Variants in CEMIP observed in about 807,000 individuals in gnomAD.
CEMIP encodes the protein cell migration-inducing and hyaluronan-binding protein.
Under a neutral mutation model 156.9 loss-of-function variants are expected in CEMIP, and 105 were observed. The ratio of observed to expected loss-of-function variants is 0.67; its 90% CI spans 0.57 to 0.79. The LOEUF is 0.79. Ranked by LOEUF, CEMIP falls within the 30% of genes least tolerant of loss-of-function variation. The pLI is 0.00. For missense variants in CEMIP, 1,457 were observed against 1,769.4 expected (o/e 0.82, Z 3.17); for synonymous variants, 676 against 668.4 (o/e 1.01, Z -0.17).
rs1901758769 is a variant in CEMIP at position 80,950,209 on chromosome 15, GC to G, written c.*1288del. On this transcript the variant is annotated 3_prime_UTR_variant, in exon 30 of 30. Coordinates refer to ENST00000394685, the MANE Select transcript of CEMIP (RefSeq NM_001293298.2). ...GAGCTGGAAATATAGAAAATATCTA[GC>G]CCAAAGCCTTCATTTTAACAGATGG... The G allele has an allele frequency of 6.6e-6, 1 of 152,302 alleles. No homozygotes were observed. Among genetic ancestry groups the G allele is most frequent in the Non-Finnish European group, 1.5e-5 (1 of 68,140 alleles). 9.4% of individuals were successfully genotyped at this position (152,302 alleles called of 1,614,324 possible). A position where few individuals can be genotyped will look rare whatever the true frequency, so the allele number is the denominator to read the frequency against.
chr15:80,941,614 G>A (rs1901338931), intron 25 of CEMIP, among the ~76,000 whole-genome samples: 2 of 152,224 alleles, frequency 1.3e-5, no homozygotes, highest in East Asian at 1.9e-4. Context: ...TGTGCACGGC[G>A]TGGCACATAG....
At position 80,951,715 on chromosome 15, in the gene CEMIP, T is replaced by C. The variant is rs1596221144; in HGVS notation, c.*2791T>C. Reference sequence around the variant, plus strand: ...AGGGGTGTACCTAGAGCCAAGGAAATTGGCTCTGGTTTGGAAAAATTTTGC... The same window carrying C: ...AGGGGTGTACCTAGAGCCAAGGAAACTGGCTCTGGTTTGGAAAAATTTTGC... On this transcript the variant is annotated 3_prime_UTR_variant, in exon 30 of 30. Coordinates refer to ENST00000394685, the MANE Select transcript of CEMIP (RefSeq NM_001293298.2). 6.5e-6 allele frequency: 1 copy of C among 153,062 alleles called. No individual in the cohort carries two copies. The highest frequency in any genetic ancestry group is 2.4e-5 in the African/African-American group (1 of 41,448). 9.5% of individuals were successfully genotyped at this position (153,062 alleles called of 1,614,324 possible).
chr15:80,884,122 T>C, intron 6 of CEMIP, 53 bp from the exon 7 acceptor site: 1 of 1,578,506 alleles, frequency 6.3e-7, no homozygotes, highest in Non-Finnish European at 8.7e-7. Flanking sequence ...TTAGAGCTCT[T>C]TGTTTTGGCT....
rs1596093373 is a variant in CEMIP, at chr15:80,795,229, T to C, written c.-176+15615T>C. ...GACATGAAATTTCAAGCAGGGGAGTTACATTGTCTGATTTTTCTGTTTTTT... is the reference window on the plus strand; with the variant it reads ...GACATGAAATTTCAAGCAGGGGAGTCACATTGTCTGATTTTTCTGTTTTTT... On this transcript the variant is annotated intron_variant, in intron 1 of 29. Transcript: ENST00000394685. 2.0e-5 allele frequency among the ~76,000 whole-genome samples: 3 copies of C among 152,236 alleles called. No homozygotes were observed. In the South Asian group the frequency reaches 6.2e-4, roughly 32 times the overall value.
intron 1 of CEMIP, among the ~76,000 whole-genome samples, chr15:80,787,227 G>A (rs1180869063): frequency 6.6e-6 from 1 of 152,252 alleles, no homozygotes; most frequent in African/African-American, 2.4e-5. Context: ...TCTGGGCCTG[G>A]AGCCAGCTCT....
At chr15:80,896,409 T>C (rs1899226494) in intron 12 of CEMIP, 1 of 491,214 alleles carries the variant, frequency 2.0e-6, no homozygotes, top group South Asian at 1.5e-5. Flanking sequence ...GGCTCAAAGA[T>C]GGCACATTCT....
chr15:80,906,536 T>C lies in CEMIP; in HGVS notation c.1412-127T>C, dbSNP rs1213104684. On this transcript the variant is annotated intron_variant, in intron 12 of 29. Transcript: ENST00000394685. The surrounding 1 kb of genome is among the most constrained non-coding windows in gnomAD (Gnocchi z 4.3). ...CCCTGACCTTCATCCTTCTGTAACA[T>C]GAGACCACTGTGCACACCAGGCATG... 1 of 897,324 alleles carries C rather than the reference T, an allele frequency of 1.1e-6. No homozygotes were observed. The highest frequency in any genetic ancestry group is 2.5e-5 in the East Asian group (1 of 40,036). The allele number at this position is 897,324 out of a possible 1,614,324, so 55.6% of individuals were successfully genotyped here.
At chr15:80,840,921 C>T (rs997639234) in intron 1 of CEMIP, among the ~76,000 whole-genome samples, 1 of 152,224 alleles carries the variant, frequency 6.6e-6, no homozygotes, top group Non-Finnish European at 1.5e-5. Context: ...GCCTCACCTT[C>T]ATTAGCTGAC....
At chr15:80,783,604 G>A (rs1295452638) in intron 1 of CEMIP, among the ~76,000 whole-genome samples, 1 of 152,188 alleles carries the variant, frequency 6.6e-6, no homozygotes, top group Non-Finnish European at 1.5e-5. Context: ...ATTCAGCTGG[G>A]CCTGAACCTC....
At chr15:80,804,365 G>T (rs564810905) in intron 1 of CEMIP, among the ~76,000 whole-genome samples, 10 of 152,356 alleles carry the variant, frequency 6.6e-5, no homozygotes, top group African/African-American at 2.2e-4. Context: ...ATGGGAGACA[G>T]TGTCTCCTTT....
intron 25 of CEMIP, chr15:80,938,214 T>A: frequency 2.0e-6 from 1 of 505,778 alleles, no homozygotes; most frequent in Non-Finnish European, 3.6e-6. Flanking sequence ...TGTAGGGAAT[T>A]TACATATTTC....
At chr15:80,914,017 T>C (rs1900166585) in intron 14 of CEMIP, among the ~76,000 whole-genome samples, 2 of 152,248 alleles carry the variant, frequency 1.3e-5, no homozygotes, top group Non-Finnish European at 2.9e-5. Context: ...GGTGTCTTTC[T>C]TGAAATGCAA....
At chr15:80,886,088 G>C (rs1898827419) in intron 7 of CEMIP, among the ~76,000 whole-genome samples, 1 of 152,184 alleles carries the variant, frequency 6.6e-6, no homozygotes, top group South Asian at 2.1e-4. Context: ...AACTCTTGGG[G>C]GAAGGCAGGT....
At chr15:80,945,725 G>A (rs1280355698) in intron 28 of CEMIP, among the ~76,000 whole-genome samples, 1 of 152,230 alleles carries the variant, frequency 6.6e-6, no homozygotes, top group East Asian at 1.9e-4. Context: ...ACTGTGGTCT[G>A]TGGTTACAGA....
At chr15:80,895,733 G>A in intron 11 of CEMIP, 136 bp from the exon 12 acceptor site, 1 of 779,346 alleles carries the variant, frequency 1.3e-6, no homozygotes, top group Non-Finnish European at 2.2e-6. Context: ...GTGGGATGGA[G>A]CAAGCCAGTG....
chr15:80,930,378 T>A (rs1900864079), intron 21 of CEMIP, among the ~76,000 whole-genome samples: 1 of 152,224 alleles, frequency 6.6e-6, no homozygotes. Flanking sequence ...AATGCTCTGA[T>A]GACTTCCAAA....
intron 1 of CEMIP, among the ~76,000 whole-genome samples, chr15:80,857,274 C>T (rs1199749195): frequency 6.6e-6 from 1 of 152,216 alleles, no homozygotes; most frequent in East Asian, 1.9e-4. Context: ...CATGACATTC[C>T]AGCCTGGCTT....
At chr15:80,928,877 ACTAT>A in intron 19 of CEMIP, 21 bp from the exon 20 acceptor site, 2 of 1,613,148 alleles carry the variant, frequency 1.2e-6, no homozygotes, top group Non-Finnish European at 8.5e-7. Context: ...GCATGCTCTG[ACTAT>A]CTATCTGCTC....
At chr15:80,904,064 C>A (rs968188992) in intron 12 of CEMIP, among the ~76,000 whole-genome samples, 2 of 152,162 alleles carry the variant, frequency 1.3e-5, no homozygotes, top group African/African-American at 4.8e-5. Flanking sequence ...GGTGTCAGAA[C>A]CCTGGATGAA....
Sources: gnomAD v4.1 joint callset for allele counts (sites outside exome capture counted in the v4.1 genomes callset) on GRCh38, gnomAD v4.1.1 for gene constraint, Gnocchi (gnomAD v3.1) non-coding constraint, MANE v1.5 for transcripts, NCBI Gene and HGNC (gene_info 2026-07-23, HGNC 2026-07-21) for gene names.